Variants in VPS13C observed in about 807,000 individuals in gnomAD.
VPS13C encodes intermembrane lipid transfer protein VPS13C.
A neutral mutation model predicts 456.8 loss-of-function variants in VPS13C; 358 were observed. That is an observed-to-expected ratio of 0.78 (90% CI 0.72 to 0.86). The LOEUF (loss-of-function observed/expected upper bound fraction) is 0.86, where lower values mean the gene tolerates loss of function less well. Ranked by LOEUF, VPS13C falls within the 40% of genes least tolerant of loss-of-function variation. The probability of loss-of-function intolerance (pLI) is 0.00; values close to 1 mark genes in which losing one functional copy is unlikely to be tolerated. For missense variants in VPS13C, 4,818 were observed against 4,385.4 expected, an observed-to-expected ratio of 1.10 and a Z score of -2.79; for synonymous variants, 1,578 against 1,486.7, an observed-to-expected ratio of 1.06 and a Z score of -1.41.
rs184969901 is a variant in VPS13C at position 61,907,740 on chromosome 15, G to A, written c.8979-350C>T. Among the ~76,000 whole-genome samples, 652 of 152,224 alleles carry A rather than the reference G, an allele frequency of 4.3e-3. 4 individuals are homozygous for A. Among genetic ancestry groups the A allele is most frequent in the South Asian group, 0.02 (94 of 4,810 alleles). The stretch of plus-strand genomic sequence containing the variant: ...AGTAGCAGAAGAACTTCTATTCAGT[G>A]CTTAAATTTAAACATATTTTTTAAA... On this transcript the variant is annotated intron_variant, in intron 65 of 84. Coordinates refer to ENST00000644861, the MANE Select transcript of VPS13C (RefSeq NM_020821.3).
intron 62 of VPS13C, 152 bp from the exon 63 acceptor site, chr15:61,912,156 T>A: frequency 1.4e-6 from 1 of 739,822 alleles, no homozygotes. Context: ...AAAGATTATC[T>A]TCTGAGAAAA....
Position 61,962,439 on chromosome 15 carries a change from C to A in VPS13C, c.3535G>T (p.Gly1179Cys). 3.1e-6 allele frequency: 5 copies of A among 1,611,512 alleles called. No homozygotes were observed. The highest frequency in any genetic ancestry group is 3.4e-6 in the Non-Finnish European group (4 of 1,178,490). The change falls in exon 34 of 85, where the codon GGT becomes TGT. Residue 1179 changes from glycine (G) to cysteine (C), a missense_variant. Physicochemically the swap from Gly to Cys is radical, Grantham distance 159 (BLOSUM62 -3). This residue lies in a region of VPS13C where 4,552 missense variants were observed against 4,130.6 expected (regional missense o/e 1.10). Transcript: ENST00000644861. Reference protein sequence around the residue: ...DLYTDMSKVDGVLSLNVGCIQ... With the variant: ...DLYTDMSKVDCVLSLNVGCIQ... ...CAGCCAACATTCAGAGACAGCACAC[C>A]ATCCACTTTGGACATGTCAGTATAC...
chr15:61,959,813 C>T (rs551687457), intron 35 of VPS13C, among the ~76,000 whole-genome samples: 49 of 152,144 alleles, frequency 3.2e-4, no homozygotes, highest in African/African-American at 9.9e-4. Context: ...AAACTTTTTT[C>T]TTTAAACAGT....
At chr15:62,007,580 T>A in intron 14 of VPS13C, 101 bp from the exon 15 acceptor site, 1 of 1,009,290 alleles carries the variant, frequency 9.9e-7, no homozygotes, top group East Asian at 2.9e-5. Context: ...AATTTTTTGT[T>A]CTTCTTAACT....
Position 61,991,052 on chromosome 15 carries a change from A to C in VPS13C, c.1526T>G (p.Phe509Cys). ...LMTPEEKDKL[F>C]TAIGYSESTH... ...ACTCTCACTATAACCAATGGCAGTG[A>C]AGAGTTTATCTTTTTCCTCTGGAGT... is the stretch of plus-strand genomic sequence containing the variant. The change falls in exon 18 of 85, where the codon TTC becomes TGC. Residue 509 changes from phenylalanine (F) to cysteine (C), a missense_variant. Phe to Cys is a radical substitution (Grantham distance 205). Coordinates refer to ENST00000644861, the MANE Select transcript of VPS13C (RefSeq NM_020821.3). 1.2e-6 allele frequency: 2 copies of C among 1,612,716 alleles called. No homozygotes were observed. Among genetic ancestry groups the C allele is most frequent in the Non-Finnish European group, 1.7e-6 (2 of 1,179,554 alleles).
At chr15:61,907,938 A>G (rs1177020619) in intron 65 of VPS13C, among the ~76,000 whole-genome samples, 1 of 152,132 alleles carries the variant, frequency 6.6e-6, no homozygotes, top group African/African-American at 2.4e-5. Context: ...TAACAAATAC[A>G]ATACTTAAGA....
chr15:62,025,066 C>T (rs2047588916), intron 6 of VPS13C, among the ~76,000 whole-genome samples: 1 of 152,086 alleles, frequency 6.6e-6, no homozygotes, highest in Non-Finnish European at 1.5e-5. Context: ...GTCTTGCCAT[C>T]AGGCAGGAGA....
Position 61,958,708 on chromosome 15 carries a change from T to C in VPS13C, c.4065A>G (p.Leu1355=), listed in dbSNP as rs766036751. The change falls in exon 37 of 85, where the codon CTA becomes CTG. Residue 1355 remains leucine, a synonymous_variant. Transcript: ENST00000644861. ...KGHLDSMNVS[L]NQEDLNLLFR... ...ATAAAAGATTAAGATCTTCTTGATT[T>C]AGACTAACCTGTAAAATATTATGTT... 14 of 1,478,988 alleles carry C rather than the reference T, an allele frequency of 9.5e-6. No homozygotes were observed. Among genetic ancestry groups the C allele is most frequent in the Non-Finnish European group, 1.3e-5 (14 of 1,094,482 alleles). 91.6% of individuals were successfully genotyped at this position (1,478,988 alleles called of 1,614,324 possible).
At chr15:61,961,459 TA>T in intron 35 of VPS13C, 129 bp downstream of exon 35, 2 of 719,216 alleles carry the variant, frequency 2.8e-6, no homozygotes, top group East Asian at 3.4e-5. Flanking sequence ...ATGACAACAA[TA>T]AAAAAAACTG....
intron 66 of VPS13C, among the ~76,000 whole-genome samples, chr15:61,895,700 G>A (rs371958563): frequency 6.6e-6 from 1 of 152,102 alleles, no homozygotes; most frequent in East Asian, 1.9e-4. Flanking sequence ...AATAAGCCAG[G>A]AACAGAAAGT....
chr15:61,868,823 A>G (rs1382355881), intron 80 of VPS13C, 50 bp from the exon 81 acceptor site: 7 of 1,404,830 alleles, frequency 5.0e-6, no homozygotes, highest in Non-Finnish European at 5.9e-6. Context: ...GAGTCTTTCA[A>G]AATAATGTGT....
chr15:61,920,013 A>G, intron 57 of VPS13C, 54 bp downstream of exon 57: 1 of 1,393,938 alleles, frequency 7.2e-7, no homozygotes, highest in Admixed American at 2.5e-5. Flanking sequence ...TATCAAAAAT[A>G]AGCCCACACC....
chr15:62,016,645 C>T (rs551824007), intron 9 of VPS13C, among the ~76,000 whole-genome samples: 89 of 152,100 alleles, frequency 5.9e-4, no homozygotes, highest in Non-Finnish European at 1.1e-3. Flanking sequence ...TGTATATGTG[C>T]CACATTTTCT....
At chr15:62,043,677 T>G (rs1288254724) in intron 2 of VPS13C, among the ~76,000 whole-genome samples, 3 of 152,182 alleles carry the variant, frequency 2.0e-5, no homozygotes, top group Non-Finnish European at 4.4e-5. Flanking sequence ...ACTCATTAAG[T>G]GACTTCATAA....
At chr15:62,002,067 A>G (rs1036039884) in intron 15 of VPS13C, among the ~76,000 whole-genome samples, 3 of 152,162 alleles carry the variant, frequency 2.0e-5, no homozygotes, top group African/African-American at 4.8e-5. Context: ...TGGTATTTCT[A>G]GTTCTAGTTC....
intron 23 of VPS13C, among the ~76,000 whole-genome samples, chr15:61,977,580 AG>A (rs540811894): frequency 1.5e-3 from 222 of 152,126 alleles, no homozygotes; most frequent in African/African-American, 5.1e-3. Context: ...AAAAAGAAAA[AG>A]AAGTATGGGG....
rs1246687603 is a variant in VPS13C at position 61,959,572 on chromosome 15, T to G, written c.3932A>C (p.Tyr1311Ser). 1.2e-6 allele frequency: 2 copies of G among 1,612,918 alleles called. No individual in the cohort carries two copies. Among genetic ancestry groups the G allele is most frequent in the Non-Finnish European group, 1.7e-6 (2 of 1,179,334 alleles). The change falls in exon 36 of 85, where the codon TAC becomes TCC. Residue 1311 changes from tyrosine (Y) to serine (S), a missense_variant. This residue lies in a region of VPS13C where 4,552 missense variants were observed against 4,130.6 expected (regional missense o/e 1.10). Coordinates refer to ENST00000644861, the MANE Select transcript of VPS13C (RefSeq NM_020821.3). ...GTGCAACAGCTGAATATCAGGATGG[T>G]AGATGCCTGGCTGGATCACTGTCCT... Reference protein sequence around the residue: ...LYRTVIQPGIYHPDIQLLHPI... With the variant: ...LYRTVIQPGISHPDIQLLHPI...
chr15:62,013,533 T>C (rs1034751378), intron 10 of VPS13C, among the ~76,000 whole-genome samples: 1 of 152,010 alleles, frequency 6.6e-6, no homozygotes, highest in Non-Finnish European at 1.5e-5. Flanking sequence ...AATAGCCCTC[T>C]TGGAGATTCA....
At chr15:62,059,633 A>C (rs1567160596) in intron 1 of VPS13C, among the ~76,000 whole-genome samples, 1 of 152,214 alleles carries the variant, frequency 6.6e-6, no homozygotes, top group Non-Finnish European at 1.5e-5. Flanking sequence ...TCCAAAACAA[A>C]ATTCAAAATC....
Sources: gnomAD v4.1 joint callset for allele counts (sites outside exome capture counted in the v4.1 genomes callset) on GRCh38, gnomAD v4.1.1 for gene constraint, gnomAD v4.1.1 regional missense constraint, MANE v1.5 for transcripts, NCBI Gene and HGNC (gene_info 2026-07-23, HGNC 2026-07-21) for gene names.